The following DR1 variants were observed in gnomAD, a reference collection of about 807,000 sequenced individuals.
DR1 encodes down-regulator of transcription 1, also known as protein Dr1.
A neutral mutation model predicts 19.9 loss-of-function variants in DR1; 7 were observed. That is an observed-to-expected ratio of 0.35 (90% CI 0.20 to 0.66). The LOEUF (loss-of-function observed/expected upper bound fraction) is 0.66, where lower values mean the gene tolerates loss of function less well. Ranked by LOEUF, DR1 falls within the 30% of genes least tolerant of loss-of-function variation. The pLI, the probability that DR1 is intolerant of heterozygous loss-of-function variation, is 0.66. For missense variants in DR1, 98 were observed against 203.7 expected (o/e 0.48, Z 3.16); for synonymous variants, 76 against 72.5 (o/e 1.05, Z -0.24).
At position 93,366,274 on chromosome 1, in the gene DR1, G is replaced by C. The variant is rs1030802235; in HGVS notation, c.*5635G>C. On this transcript the variant is annotated 3_prime_UTR_variant, in exon 3 of 3. Coordinates refer to ENST00000370272, the MANE Select transcript of DR1 (RefSeq NM_001938.3). ...AAATATGCCGTAGTATGTAAATACCGTATTTTGTTTATCAGTTCATCCATT... is the reference window on the plus strand; with the variant it reads ...AAATATGCCGTAGTATGTAAATACCCTATTTTGTTTATCAGTTCATCCATT... The C allele has an allele frequency of 3.3e-5, 5 of 152,118 alleles. 1 individual carries two copies. The highest frequency in any genetic ancestry group is 7.4e-5 in the Non-Finnish European group (5 of 68,022). 9.4% of individuals were successfully genotyped at this position (152,118 alleles called of 1,614,324 possible).
chr1:93,346,485 G>A lies in DR1; in HGVS notation c.-161G>A. ...TCTCTCACACACGCGAGTGTTCCCAGCCCTCAAGCCAGCTGCTCCTCCGTT... is the reference window on the plus strand; with the variant it reads ...TCTCTCACACACGCGAGTGTTCCCAACCCTCAAGCCAGCTGCTCCTCCGTT... On this transcript the variant is annotated 5_prime_UTR_variant, in exon 1 of 3. Transcript: ENST00000370272. 1.6e-6 allele frequency: 1 copy of A among 620,934 alleles called. No homozygotes were observed. The highest frequency in any genetic ancestry group is 2.8e-6 in the Non-Finnish European group (1 of 353,218). 38.5% of individuals were successfully genotyped at this position (620,934 alleles called of 1,614,324 possible). A position where few individuals can be genotyped will look rare whatever the true frequency, so the allele number is the denominator to read the frequency against.
chr1:93,353,863 T>A (rs377005295), intron 1 of DR1, 45 bp from the exon 2 acceptor site: 28 of 1,504,798 alleles, frequency 1.9e-5, no homozygotes, highest in Non-Finnish European at 2.2e-5. Flanking sequence ...GGGGGAAAGC[T>A]GTGTTTTATC....
At chr1:93,356,141 G>A (rs190567834) in intron 2 of DR1, among the ~76,000 whole-genome samples, 287 of 152,100 alleles carry the variant, frequency 1.9e-3, no homozygotes, top group Admixed American at 4.4e-3. Flanking sequence ...GATTGAGTAG[G>A]GGGCAAGAGA....
At chr1:93,358,318 T>C (rs1446106286) in intron 2 of DR1, among the ~76,000 whole-genome samples, 1 of 50,270 alleles carries the variant, frequency 2.0e-5, no homozygotes, top group African/African-American at 5.4e-5. Context: ...TTAGACTCTG[T>C]TGCCATATGG....
chr1:93,359,664 AT>A (rs1667030819), intron 2 of DR1, among the ~76,000 whole-genome samples: 1 of 152,112 alleles, frequency 6.6e-6, no homozygotes, highest in Non-Finnish European at 1.5e-5. Flanking sequence ...GAACAGGTTC[AT>A]TTTTTCCCTT....
chr1:93,352,136 C>G (rs1398254318), intron 1 of DR1, among the ~76,000 whole-genome samples: 1 of 152,200 alleles, frequency 6.6e-6, no homozygotes, highest in Non-Finnish European at 1.5e-5. Flanking sequence ...GTGCCACAGT[C>G]ATAGTTTACT....
chr1:93,357,013 C>T (rs919374267), intron 2 of DR1, among the ~76,000 whole-genome samples: 4 of 152,174 alleles, frequency 2.6e-5, no homozygotes, highest in Admixed American at 6.5e-5. Context: ...TGAGCCACCG[C>T]GCCCGGCCTT....
In DR1 at chr1:93,361,047, G is replaced by GGGT. The variant is rs1553198472; in HGVS notation, c.*410_*411insTGG. 4 of 165,018 alleles carry GGGT rather than the reference G, an allele frequency of 2.4e-5. No homozygotes were observed. 10.2% of individuals were successfully genotyped at this position (165,018 alleles called of 1,614,324 possible). A position where few individuals can be genotyped will look rare whatever the true frequency, so the allele number is the denominator to read the frequency against. ...CTTGTGAATTTTAAATTATTAAGGG[G>GGGT]GGGGTGCTGTGTGAATCAGTAGACA... On this transcript the variant is annotated 3_prime_UTR_variant, in exon 3 of 3. Transcript: ENST00000370272.
rs1666823340 is a variant in DR1 at position 93,345,957 on chromosome 1, G to GT, written c.-689_-688insT. 1 of 153,592 alleles carries GT rather than the reference G, an allele frequency of 6.5e-6. No individual in the cohort carries two copies. The highest frequency in any genetic ancestry group is 1.5e-5 in the Non-Finnish European group (1 of 68,672). The allele number at this position is 153,592 out of a possible 1,614,324, so 9.5% of individuals were successfully genotyped here. A position where few individuals can be genotyped will look rare whatever the true frequency, so the allele number is the denominator to read the frequency against. ...TGCAAACCTTCCCTGGCATCTGGAGGGACCACCGTTGCCGCGTCTTCGGCT... is the reference window on the plus strand; with the variant it reads ...TGCAAACCTTCCCTGGCATCTGGAGGTGACCACCGTTGCCGCGTCTTCGGCT... On this transcript the variant is annotated 5_prime_UTR_variant, in exon 1 of 3. Transcript: ENST00000370272.
At position 93,346,613 on chromosome 1, in the gene DR1, T is replaced by C. The variant is rs41309175; in HGVS notation, c.-33T>C. 2.7e-3 allele frequency: 4,328 copies of C among 1,599,336 alleles called. 8 individuals carry two copies. Among genetic ancestry groups the C allele is most frequent in the Non-Finnish European group, 3.4e-3 (3,967 of 1,168,724 alleles). On this transcript the variant is annotated 5_prime_UTR_variant, in exon 1 of 3. Coordinates refer to ENST00000370272, the MANE Select transcript of DR1 (RefSeq NM_001938.3). ...TAGTGGACCAGAGCTGGGGAGTTTT[T>C]AAAAGCCGGGGCGCGAGAAACAGGA...
rs1667100867 is a variant in DR1 at position 93,364,874 on chromosome 1, GAC to G, written c.*4237_*4238del. The G allele has an allele frequency of 2.3e-5, 1 of 44,224 alleles. No homozygotes were observed. The highest frequency in any genetic ancestry group is 4.8e-5 in the Non-Finnish European group (1 of 20,814). 2.7% of individuals were successfully genotyped at this position (44,224 alleles called of 1,614,324 possible). A position where few individuals can be genotyped will look rare whatever the true frequency, so the allele number is the denominator to read the frequency against. ...TTCTTTTTTTTTTTTTTTTTTTTGA[GAC>G]AGAGTCTTGCTCTGTCACCCAGGCT... On this transcript the variant is annotated 3_prime_UTR_variant, in exon 3 of 3. Transcript: ENST00000370272.
chr1:93,353,367 A>G (rs1199570959), intron 1 of DR1, among the ~76,000 whole-genome samples: 2 of 152,134 alleles, frequency 1.3e-5, no homozygotes, highest in East Asian at 3.8e-4. Flanking sequence ...CTGTTGGCTG[A>G]CTATAAGTGC....
At chr1:93,359,996 A>G (rs1445401929) in intron 2 of DR1, among the ~76,000 whole-genome samples, 1 of 152,198 alleles carries the variant, frequency 6.6e-6, no homozygotes, top group South Asian at 2.1e-4. Flanking sequence ...TACTGCATAC[A>G]TGTACAGTAC....
intron 2 of DR1, 87 bp from the exon 3 acceptor site, chr1:93,360,406 A>C: frequency 7.8e-7 from 1 of 1,279,368 alleles, no homozygotes; most frequent in South Asian, 1.7e-5. Flanking sequence ...AAACTGTCTG[A>C]AATTGGCCTA....
chr1:93,360,848 A>G lies in DR1; in HGVS notation c.*209A>G. 1 of 510,014 alleles carries G rather than the reference A, an allele frequency of 2.0e-6. No individual in the cohort carries two copies. 31.6% of individuals were successfully genotyped at this position (510,014 alleles called of 1,614,324 possible). ...CTATTGAAAATTTAAGGTTCAGTAT[A>G]ATATCAATTTTGAATTTTTAATGGT... On this transcript the variant is annotated 3_prime_UTR_variant, in exon 3 of 3. Transcript: ENST00000370272.
chr1:93,355,257 G>A (rs1035774874), intron 2 of DR1: 5 of 152,060 alleles, frequency 3.3e-5, no homozygotes, highest in African/African-American at 1.2e-4. Context: ...AGACTCAGAG[G>A]CGGAAAAACT....
In DR1 at chr1:93,364,508, G is replaced by C. The variant is rs1667094205; in HGVS notation, c.*3869G>C. ...CCATTAGGAAGAATTATCCAATTCA[G>C]ATGGCATAGGCACTGCCTTCCAATT... is the stretch of plus-strand genomic sequence containing the variant. On this transcript the variant is annotated 3_prime_UTR_variant, in exon 3 of 3. Transcript: ENST00000370272. The C allele has an allele frequency of 6.6e-6, 1 of 152,130 alleles. No homozygotes were observed. The highest frequency in any genetic ancestry group is 2.4e-5 in the African/African-American group (1 of 41,406). 9.4% of individuals were successfully genotyped at this position (152,130 alleles called of 1,614,324 possible).
rs1667185052 is a variant in DR1, at chr1:93,367,768, C to T, written c.*7129C>T. 6.6e-6 allele frequency: 1 copy of T among 152,264 alleles called. No individual in the cohort carries two copies. Among genetic ancestry groups the T allele is most frequent in the Non-Finnish European group, 1.5e-5 (1 of 68,102 alleles). 9.4% of individuals were successfully genotyped at this position (152,264 alleles called of 1,614,324 possible). A position where few individuals can be genotyped will look rare whatever the true frequency, so the allele number is the denominator to read the frequency against. ...GTGGCTTACGCCTGTAATCCCAGCA[C>T]TTTGGGAGGCCGAGGCGGGTGGATC... On this transcript the variant is annotated 3_prime_UTR_variant, in exon 3 of 3. Coordinates refer to ENST00000370272, the MANE Select transcript of DR1 (RefSeq NM_001938.3).
chr1:93,363,849 C>G lies in DR1; in HGVS notation c.*3210C>G, dbSNP rs892017883. On this transcript the variant is annotated 3_prime_UTR_variant, in exon 3 of 3. Coordinates refer to ENST00000370272, the MANE Select transcript of DR1 (RefSeq NM_001938.3). Reference sequence around the variant, plus strand: ...TCATTCTCATTGCTGTATAGTCTTCCGTTTGTTTATCCATTTTTCATTACA... The same window carrying G: ...TCATTCTCATTGCTGTATAGTCTTCGGTTTGTTTATCCATTTTTCATTACA... 6.6e-6 allele frequency: 1 copy of G among 152,156 alleles called. No homozygotes were observed. Among genetic ancestry groups the G allele is most frequent in the Non-Finnish European group, 1.5e-5 (1 of 68,026 alleles). The allele number at this position is 152,156 out of a possible 1,614,324, so 9.4% of individuals were successfully genotyped here. A position where few individuals can be genotyped will look rare whatever the true frequency, so the allele number is the denominator to read the frequency against.
Sources: allele counts gnomAD v4.1 joint callset (sites outside exome capture counted in the v4.1 genomes callset), GRCh38; gene constraint gnomAD v4.1.1; transcripts MANE v1.5; gene names NCBI Gene and HGNC (gene_info 2026-07-23, HGNC 2026-07-21).